Variants in ROS1 observed in about 807,000 individuals in gnomAD.
The protein encoded by ROS1 is proto-oncogene tyrosine-protein kinase ROS.
Under a neutral mutation model 273.5 loss-of-function variants are expected in ROS1, and 263 were observed. That is an observed-to-expected ratio of 0.96 (90% CI 0.87 to 1.06). The LOEUF (loss-of-function observed/expected upper bound fraction) is 1.06, where lower values mean the gene tolerates loss of function less well. Ranked by LOEUF, ROS1 falls within the 50% of genes least tolerant of loss-of-function variation. The pLI, the probability that ROS1 is intolerant of heterozygous loss-of-function variation, is 0.00. For missense variants in ROS1, 2,833 were observed against 2,751.1 expected (o/e 1.03, Z -0.67); for synonymous variants, 1,008 against 954.1 (o/e 1.06, Z -1.04).
At chr6:117,326,153 A>C (rs1776630625) in intron 34 of ROS1, 71 bp downstream of exon 34, 1 of 669,690 alleles carries the variant, frequency 1.5e-6, no homozygotes, top group South Asian at 2.0e-5. Context: ...TGCTAATGTT[A>C]AGAATGTACT....
intron 15 of ROS1, among the ~76,000 whole-genome samples, chr6:117,386,071 TCTC>T (rs1402091079): frequency 4.6e-5 from 7 of 152,222 alleles, no homozygotes; most frequent in African/African-American, 1.7e-4. Context: ...ACATCGAGCA[TCTC>T]CTCTTTGCCA....
chr6:117,305,870 T>C (rs936126410), intron 42 of ROS1, among the ~76,000 whole-genome samples: 2 of 152,148 alleles, frequency 1.3e-5, no homozygotes, highest in Admixed American at 1.3e-4. Flanking sequence ...CATATTACTC[T>C]AAACAAATTT....
In ROS1 at chr6:117,409,628, C is replaced by A. The variant is rs1373871205; in HGVS notation, c.270G>T (p.Glu90Asp). 6.2e-7 allele frequency: 1 copy of A among 1,613,768 alleles called. No individual in the cohort carries two copies. The highest frequency in any genetic ancestry group is 8.5e-7 in the Non-Finnish European group (1 of 1,179,842). The change falls in exon 5 of 44, where the codon GAG (glutamate) becomes GAT (aspartate). Residue 90 changes from glutamate (E) to aspartate (D), a missense_variant. By Grantham distance (45) the Glu-to-Asp change is conservative. Transcript: ENST00000368507. ...YATVCERESCEVGCSSAEGAY... is the reference protein window; with the variant it reads ...YATVCERESCDVGCSSAEGAY... ...CACCTTCCGCGCTGCTACAGCCAAC[C>A]TCACACGACTCCCGCTGTGGAAGAC...
chr6:117,425,648 G>A lies in ROS1; in HGVS notation c.9C>T (p.Asn3=), dbSNP rs1293461671. The A allele has an allele frequency of 1.2e-6, 2 of 1,610,894 alleles. No homozygotes were observed. The highest frequency in any genetic ancestry group is 8.5e-7 in the Non-Finnish European group (1 of 1,178,884). ...CAAGCTTCGGAATAAGACAGTAAAT[G>A]TTCTTCATCACTTCACCAATGGCAG... is the stretch of plus-strand genomic sequence containing the variant. The part of the protein sequence containing the change: MK[N]IYCLIPKLVN... The change falls in exon 1 of 44, where the codon AAC becomes AAT. Residue 3 remains asparagine, a synonymous_variant. Transcript: ENST00000368507.
chr6:117,403,358 G>C, intron 6 of ROS1, 81 bp from the exon 7 acceptor site: 1 of 1,338,454 alleles, frequency 7.5e-7, no homozygotes, highest in Non-Finnish European at 1.0e-6. Context: ...TTAATTTGTA[G>C]AAGATGGATG....
At chr6:117,320,907 TA>T (rs147037238) in intron 36 of ROS1, among the ~76,000 whole-genome samples, 14,512 of 152,156 alleles carry the variant, frequency 0.095, 872 homozygotes, top group Middle Eastern at 0.14. Flanking sequence ...GCTGACCACG[TA>T]ACACAAGGCT....
At chr6:117,346,014 A>G (rs1427413073) in intron 27 of ROS1, among the ~76,000 whole-genome samples, 1 of 152,200 alleles carries the variant, frequency 6.6e-6, no homozygotes, top group Non-Finnish European at 1.5e-5. Flanking sequence ...AGAGATGGAT[A>G]ACCTTACTAA....
chr6:117,385,348 A>G (rs1438405881), intron 16 of ROS1, among the ~76,000 whole-genome samples: 1 of 152,284 alleles, frequency 6.6e-6, no homozygotes. Context: ...TGAGGTCAGG[A>G]GTTCGAGACC....
At chr6:117,398,981 A>T (rs1317743944) in intron 7 of ROS1, among the ~76,000 whole-genome samples, 1 of 151,954 alleles carries the variant, frequency 6.6e-6, no homozygotes, top group East Asian at 1.9e-4. Flanking sequence ...AAAAAAAAAA[A>T]AAAAGGCAAT....
chr6:117,293,073 C>A (rs567511955), intron 43 of ROS1, among the ~76,000 whole-genome samples: 2 of 152,232 alleles, frequency 1.3e-5, no homozygotes, highest in East Asian at 3.9e-4. Flanking sequence ...ACATAGGATA[C>A]CTCAGCTTCT....
chr6:117,407,052 C>G (rs1177535928), intron 5 of ROS1, among the ~76,000 whole-genome samples: 1 of 135,876 alleles, frequency 7.4e-6, no homozygotes, highest in Non-Finnish European at 1.6e-5. Context: ...TTATCCACAG[C>G]TAATTCCCGT....
Position 117,394,686 on chromosome 6 carries a change from C to T in ROS1, c.936G>A (p.Lys312=), listed in dbSNP as rs2128713581. Residue 312 remains lysine (K), a synonymous_variant, in exon 10 of 44, where the codon AAG becomes AAA. Coordinates refer to ENST00000368507, the MANE Select transcript of ROS1 (RefSeq NM_001378902.1). ...LFLSRKTSLR[K]RSLKHLVDEA... ...CATCTACTAAATGTTTTAAAGATCT[C>T]TTTCTTAGAGAAGTTTTTCTGGATA... 1 of 1,612,254 alleles carries T rather than the reference C, an allele frequency of 6.2e-7. No individual in the cohort carries two copies. The highest frequency in any genetic ancestry group is 2.2e-5 in the East Asian group (1 of 44,834).
rs533972691 is a variant in ROS1 at position 117,310,236 on chromosome 6, G to A, written c.6261C>T (p.Thr2087=). ...CTCCAATCTTCACTATCCGTGGACTGGTATAGTCTTTCACGGAAACAAGGC... is the reference window on the plus strand; with the variant it reads ...CTCCAATCTTCACTATCCGTGGACTAGTATAGTCTTTCACGGAAACAAGGC... ...RNCLVSVKDY[T]SPRIVKIGDF... The change falls in exon 41 of 44, where the codon ACC becomes ACT. Residue 2087 remains threonine, a synonymous_variant. Transcript: ENST00000368507. The A allele has an allele frequency of 6.2e-7, 1 of 1,612,388 alleles. No homozygotes were observed.
chr6:117,311,392 A>G (rs1775536608), intron 39 of ROS1, among the ~76,000 whole-genome samples: 1 of 152,132 alleles, frequency 6.6e-6, no homozygotes, highest in Admixed American at 6.6e-5. Context: ...GTCAGGTCAG[A>G]CAGATCGAGA....
chr6:117,362,474 C>T, intron 22 of ROS1, 129 bp downstream of exon 22: 1 of 767,354 alleles, frequency 1.3e-6, no homozygotes, highest in South Asian at 2.4e-5. Flanking sequence ...TTTTAAAAAA[C>T]TATAGTGGCC....
intron 27 of ROS1, among the ~76,000 whole-genome samples, chr6:117,344,995 A>G (rs1778258635): frequency 6.6e-6 from 1 of 152,252 alleles, no homozygotes; most frequent in Admixed American, 6.5e-5. Flanking sequence ...GTCTTTATGT[A>G]AAACATCACC....
intron 43 of ROS1, among the ~76,000 whole-genome samples, chr6:117,289,952 T>C (rs944678068): frequency 1.3e-5 from 2 of 152,150 alleles, no homozygotes; most frequent in African/African-American, 4.8e-5. Flanking sequence ...TTTTAAATGT[T>C]AGGAAAAAAT....
In ROS1 at chr6:117,360,272, G is replaced by GTACACACA. The variant is rs1562313829; in HGVS notation, c.3430+69_3430+70insTGTGTGTA. 4.1e-5 allele frequency: 14 copies of GTACACACA among 341,058 alleles called. No homozygotes were observed. In the African/African-American group the frequency reaches 1.3e-3, roughly 31 times the overall value. 21.1% of individuals were successfully genotyped at this position (341,058 alleles called of 1,614,324 possible). A position where few individuals can be genotyped will look rare whatever the true frequency, so the allele number is the denominator to read the frequency against. The stretch of plus-strand genomic sequence containing the variant: ...GTTCATATCCCTAAAGACACCAATG[G>GTACACACA]GACACACACACACACACACACACAC... On this transcript the variant is annotated intron_variant, in intron 23 of 43. Transcript: ENST00000368507.
At chr6:117,375,451 T>C (rs1157324887) in intron 18 of ROS1, among the ~76,000 whole-genome samples, 1 of 152,142 alleles carries the variant, frequency 6.6e-6, no homozygotes, top group Non-Finnish European at 1.5e-5. Flanking sequence ...TTAAATAAAT[T>C]TTTTAAAAAA....
Sources: allele counts gnomAD v4.1 joint callset (sites outside exome capture counted in the v4.1 genomes callset), GRCh38; gene constraint gnomAD v4.1.1; transcripts MANE v1.5; gene names NCBI Gene and HGNC (gene_info 2026-07-23, HGNC 2026-07-21).